The following RAB38 variants were observed in gnomAD, a reference collection of about 807,000 sequenced individuals.
The protein encoded by RAB38 is ras-related protein Rab-38.
In RAB38, 15 loss-of-function variants were observed where a neutral mutation model predicts 18.4. That is an observed-to-expected ratio of 0.82 (90% CI 0.55 to 1.26). RAB38 has a LOEUF of 1.26. Ranked by LOEUF, RAB38 falls within the 50% of genes most tolerant of loss-of-function variation. The pLI, the probability that RAB38 is intolerant of heterozygous loss-of-function variation, is 0.00. For synonymous variants in RAB38, 101 were observed against 104.4 expected, an observed-to-expected ratio of 0.97 and a Z score of 0.20; for missense variants, 294 against 267.4, an observed-to-expected ratio of 1.10 and a Z score of -0.69.
At chr11:87,960,275 A>T in the RAB38 span, among the ~76,000 whole-genome samples, 1 of 151,892 alleles carries the variant, frequency 6.6e-6, no homozygotes, top group African/African-American at 2.4e-5. Flanking sequence ...AAACCTAAGA[A>T]TTGGCAGTTC....
chr11:87,937,870 GTTTT>G, the RAB38 span, among the ~76,000 whole-genome samples: 6,432 of 91,828 alleles, frequency 0.07, 127 homozygotes, highest in East Asian at 0.21. Context: ...TCATTGAAGT[GTTTT>G]TTTTTTTTTT....
intron 2 of RAB38, among the ~76,000 whole-genome samples, chr11:88,137,939 ATACCCATC>A (rs1399164913): frequency 6.6e-6 from 1 of 152,256 alleles, no homozygotes; most frequent in Non-Finnish European, 1.5e-5. Context: ...CGAGGAATCT[ATACCCATC>A]TAGAGAGTTA....
the RAB38 span, among the ~76,000 whole-genome samples, chr11:87,924,778 T>C: frequency 1.3e-5 from 2 of 152,016 alleles, no homozygotes; most frequent in African/African-American, 2.4e-5. Context: ...AGGTAGGAAG[T>C]GGTGGAGGCA....
At chr11:87,914,831 A>C in the RAB38 span, among the ~76,000 whole-genome samples, 1 of 152,196 alleles carries the variant, frequency 6.6e-6, no homozygotes, top group African/African-American at 2.4e-5. Flanking sequence ...TGAAGCAGCC[A>C]TGTCTCCAGT....
the RAB38 span, among the ~76,000 whole-genome samples, chr11:87,926,162 C>G: frequency 2.6e-5 from 4 of 151,820 alleles, no homozygotes; most frequent in Non-Finnish European, 4.4e-5. Context: ...GAAAGAATCG[C>G]CACTACCCTC....
the RAB38 span, among the ~76,000 whole-genome samples, chr11:87,910,483 C>T: frequency 6.6e-6 from 1 of 151,604 alleles, no homozygotes; most frequent in East Asian, 1.9e-4. Context: ...TTTTTTAATT[C>T]ATTCTTTTAT....
At chr11:88,007,690 T>G in the RAB38 span, among the ~76,000 whole-genome samples, 1 of 152,068 alleles carries the variant, frequency 6.6e-6, no homozygotes, top group Non-Finnish European at 1.5e-5. Context: ...TGGCAGTTTC[T>G]TTTAAGTTTG....
At chr11:87,901,262 T>G in the RAB38 span, among the ~76,000 whole-genome samples, 2 of 151,560 alleles carry the variant, frequency 1.3e-5, no homozygotes, top group Non-Finnish European at 3.0e-5. Flanking sequence ...TTTTATCTTC[T>G]GTATCTGTGT....
chr11:88,005,054 C>T, the RAB38 span, among the ~76,000 whole-genome samples: 2 of 151,060 alleles, frequency 1.3e-5, no homozygotes, highest in African/African-American at 4.8e-5. Flanking sequence ...TAAATTTTCC[C>T]CAAAGCAATT....
chr11:87,959,629 T>G, the RAB38 span, among the ~76,000 whole-genome samples: 1 of 152,324 alleles, frequency 6.6e-6, no homozygotes, highest in East Asian at 1.9e-4. Flanking sequence ...CTCCCACCAG[T>G]TATAGCCAAA....
the RAB38 span, among the ~76,000 whole-genome samples, chr11:87,893,311 T>C: frequency 8.4e-5 from 12 of 142,828 alleles, no homozygotes; most frequent in South Asian, 2.2e-4. Context: ...TGTATATATA[T>C]ACACACACAT....
At chr11:87,814,740 CTTT>C in the RAB38 span, among the ~76,000 whole-genome samples, 1 of 146,658 alleles carries the variant, frequency 6.8e-6, no homozygotes. Context: ...TTTTCTTTTT[CTTT>C]TTTTTTTTGA....
At chr11:88,040,896 GC>G in the RAB38 span, among the ~76,000 whole-genome samples, 1 of 152,136 alleles carries the variant, frequency 6.6e-6, no homozygotes, top group African/African-American at 2.4e-5. Context: ...AAAAGATACA[GC>G]CCCTTAAAAT....
chr11:88,020,930 C>T, the RAB38 span, among the ~76,000 whole-genome samples: 1 of 151,690 alleles, frequency 6.6e-6, no homozygotes, highest in South Asian at 2.1e-4. Flanking sequence ...ATATGAAAAC[C>T]TAAGAGATAC....
the RAB38 span, among the ~76,000 whole-genome samples, chr11:87,806,227 A>G: frequency 6.6e-6 from 1 of 152,170 alleles, no homozygotes; most frequent in Non-Finnish European, 1.5e-5. Flanking sequence ...GGCTGCTCTA[A>G]AAAATGCCAT....
chr11:88,029,198 C>G, the RAB38 span, among the ~76,000 whole-genome samples: 7,380 of 151,944 alleles, frequency 0.049, 196 homozygotes, highest in South Asian at 0.093. Flanking sequence ...TTGTCACCAC[C>G]AGGCCTGCCC....
the RAB38 span, among the ~76,000 whole-genome samples, chr11:87,823,086 C>G: frequency 3.2e-4 from 49 of 151,880 alleles, no homozygotes; most frequent in African/African-American, 1.2e-3. Flanking sequence ...ACAGACAAAT[C>G]TCCAATCATT....
chr11:88,039,100 AGAG>A, the RAB38 span, among the ~76,000 whole-genome samples: 1 of 152,210 alleles, frequency 6.6e-6, no homozygotes, highest in Non-Finnish European at 1.5e-5. Context: ...GAACCTTTAA[AGAG>A]GAGTAGAAAT....
chr11:88,004,149 C>G, the RAB38 span, among the ~76,000 whole-genome samples: 5 of 148,632 alleles, frequency 3.4e-5, no homozygotes, highest in African/African-American at 1.2e-4. Flanking sequence ...TAAAATATTA[C>G]TTATAGAACA....
Sources: gnomAD v4.1 joint callset for allele counts (sites outside exome capture counted in the v4.1 genomes callset) on GRCh38, gnomAD v4.1.1 for gene constraint, MANE v1.5 for transcripts, NCBI Gene and HGNC (gene_info 2026-07-23, HGNC 2026-07-21) for gene names.